DMD: variants seen among roughly 807,000 people sequenced by gnomAD.
The protein encoded by DMD is dystrophin.
In DMD, 63 loss-of-function variants were observed where a neutral mutation model predicts 330.1. The ratio of observed to expected loss-of-function variants is 0.19; its 90% CI spans 0.16 to 0.24. The LOEUF (loss-of-function observed/expected upper bound fraction) is 0.24. Among genes scored for constraint, DMD ranks in the 10% least tolerant of loss-of-function variants. The pLI is 1.00. For synonymous variants in DMD, 1,223 were observed against 959.8 expected (o/e 1.27, Z -5.07); for missense variants, 3,344 against 2,684.1 (o/e 1.25, Z -5.43).
chrX:32,511,521 C>A lies in DMD; in HGVS notation c.2292+6487G>T, dbSNP rs753344411. On this transcript the variant is annotated intron_variant, in intron 18 of 78. Coordinates refer to ENST00000357033, the MANE Select transcript of DMD (RefSeq NM_004006.3). ...TGGGTGACAGAGCGAGGCTCCGTCT[C>A]GGGAAAAAAAAAAAAAAAAAAAAAA... 5.4e-4 allele frequency among the ~76,000 whole-genome samples: 31 copies of A among 57,095 alleles called. No homozygotes were observed. The Admixed American group carries it at 7.1e-3, about 13-fold the overall frequency. The allele number at this position is 57,095 out of a possible 115,157, so 49.6% of individuals were successfully genotyped here. A position where few individuals can be genotyped will look rare whatever the true frequency, so the allele number is the denominator to read the frequency against.
intron 11 of DMD, among the ~76,000 whole-genome samples, chrX:32,625,538 A>T (rs192895525): frequency 1.3e-3 from 149 of 111,966 alleles, no homozygotes; most frequent in African/African-American, 4.6e-3. Flanking sequence ...TGACATCCTA[A>T]GTTTAGCAAT....
At chrX:31,366,362 C>A (rs1319535846) in intron 60 of DMD, among the ~76,000 whole-genome samples, 2 of 101,560 alleles carry the variant, frequency 2.0e-5, no homozygotes, top group Non-Finnish European at 3.9e-5. Context: ...TCTAAGACCC[C>A]AGAAAGTGGT....
chrX:33,320,696 CTCTT>C (rs747796575), intron 1 of DMD, among the ~76,000 whole-genome samples: 18 of 112,082 alleles, frequency 1.6e-4, no homozygotes, highest in Non-Finnish European at 2.3e-4. Flanking sequence ...CATCAATTGA[CTCTT>C]TCTTTCACAA....
At chrX:31,412,054 C>A (rs759097002) in intron 60 of DMD, among the ~76,000 whole-genome samples, 1 of 107,521 alleles carries the variant, frequency 9.3e-6, no homozygotes, top group Non-Finnish European at 1.9e-5. Flanking sequence ...GGCATGGTGG[C>A]GGGCGCCTGC....
intron 2 of DMD, among the ~76,000 whole-genome samples, chrX:33,010,220 ATATG>A (rs2093665696): frequency 9.4e-6 from 1 of 106,665 alleles, no homozygotes; most frequent in Middle Eastern, 4.5e-3. Flanking sequence ...GTATATGTAC[ATATG>A]TGTGTATATA....
intron 7 of DMD, among the ~76,000 whole-genome samples, chrX:32,759,604 C>A (rs138153945): frequency 9.0e-6 from 1 of 111,520 alleles, no homozygotes; most frequent in African/African-American, 3.3e-5. Context: ...CATATCCAAA[C>A]AGAAGAACTA....
At chrX:32,348,358 T>C (rs781259105) in intron 38 of DMD, 48 bp downstream of exon 38, 1 of 1,164,784 alleles carries the variant, frequency 8.6e-7, no homozygotes, top group Non-Finnish European at 1.2e-6. Flanking sequence ...TTTCCAAATA[T>C]TTATTTCCAC....
intron 9 of DMD, among the ~76,000 whole-genome samples, chrX:32,667,377 A>T (rs1273194379): frequency 1.8e-5 from 2 of 112,173 alleles, no homozygotes; most frequent in Non-Finnish European, 3.8e-5. Context: ...AACAAAAAAA[A>T]GTTTGTTCCA....
chrX:32,780,223 G>A (rs1227008540), intron 7 of DMD, among the ~76,000 whole-genome samples: 2 of 112,208 alleles, frequency 1.8e-5, no homozygotes, highest in Non-Finnish European at 3.8e-5. Flanking sequence ...TACGATGAAT[G>A]TAGCAATTAC....
At chrX:31,631,235 G>C (rs887675854) in intron 54 of DMD, among the ~76,000 whole-genome samples, 3 of 110,121 alleles carry the variant, frequency 2.7e-5, no homozygotes, top group African/African-American at 9.9e-5. Flanking sequence ...ATTTGAGAAC[G>C]ACTGGCATAG....
intron 1 of DMD, among the ~76,000 whole-genome samples, chrX:33,180,418 G>T (rs1398368217): frequency 9.0e-6 from 1 of 111,347 alleles, no homozygotes; most frequent in Non-Finnish European, 1.9e-5. Context: ...ACTTTTGAGG[G>T]TTACTCACAC....
intron 19 of DMD, among the ~76,000 whole-genome samples, chrX:32,497,218 T>C (rs1429720477): frequency 1.8e-5 from 2 of 112,149 alleles, no homozygotes; most frequent in Non-Finnish European, 3.8e-5. Context: ...GTTAATGTTA[T>C]GGATAAGAAG....
rs147413076 is a variant in DMD, at chrX:32,881,107, G to C, written c.94-31287C>G. 7.1e-3 allele frequency among the ~76,000 whole-genome samples: 799 copies of C among 112,549 alleles called. 3 individuals are homozygous for C. Among genetic ancestry groups the C allele is most frequent in the African/African-American group, 0.024 (754 of 31,058 alleles). ...CGAAGGCAGCTGGCAAAAAATACCAGAGTAAGTACAGCTAGGAACTGTAGA... is the reference window on the plus strand; with the variant it reads ...CGAAGGCAGCTGGCAAAAAATACCACAGTAAGTACAGCTAGGAACTGTAGA... On this transcript the variant is annotated intron_variant, in intron 2 of 78. Transcript: ENST00000357033.
chrX:32,695,972 C>T (rs2063625614), intron 9 of DMD, among the ~76,000 whole-genome samples: 3 of 111,611 alleles, frequency 2.7e-5, no homozygotes, highest in East Asian at 2.8e-4. Context: ...GAATAAAAGC[C>T]ATTTGTCTCT....
chrX:32,727,996 T>G (rs895183245), intron 7 of DMD, among the ~76,000 whole-genome samples: 1 of 111,750 alleles, frequency 8.9e-6, no homozygotes, highest in Non-Finnish European at 1.9e-5. Flanking sequence ...GTAAATTACA[T>G]GCATTTTATA....
intron 2 of DMD, among the ~76,000 whole-genome samples, chrX:33,017,715 G>A (rs1273407356): frequency 9.0e-6 from 1 of 111,031 alleles, no homozygotes; most frequent in Non-Finnish European, 1.9e-5. Context: ...CTTCATAAAG[G>A]TTACCAGATT....
chrX:32,656,077 A>G (rs1035839286), intron 9 of DMD, among the ~76,000 whole-genome samples: 2 of 111,824 alleles, frequency 1.8e-5, no homozygotes, highest in Admixed American at 9.5e-5. Flanking sequence ...AGTATTAGAA[A>G]GTTTAGGGGA....
intron 1 of DMD, among the ~76,000 whole-genome samples, chrX:33,274,422 G>C (rs2148916105): frequency 9.0e-6 from 1 of 111,649 alleles, no homozygotes; most frequent in Non-Finnish European, 1.9e-5. Flanking sequence ...GTCTGAACTA[G>C]AATGCATGCA....
At chrX:33,114,684 T>C (rs2095368119) in intron 1 of DMD, among the ~76,000 whole-genome samples, 1 of 111,802 alleles carries the variant, frequency 8.9e-6, no homozygotes, top group African/African-American at 3.3e-5. Context: ...AAAATAAATA[T>C]AATGTAGAAG....
Sources: gnomAD v4.1 joint callset for allele counts (sites outside exome capture counted in the v4.1 genomes callset) on GRCh38, gnomAD v4.1.1 for gene constraint, MANE v1.5 for transcripts, NCBI Gene and HGNC (gene_info 2026-07-23, HGNC 2026-07-21) for gene names.